SPAG9: variants seen among roughly 807,000 people sequenced by gnomAD.
SPAG9 encodes the protein sperm associated antigen 9, also known as C-Jun-amino-terminal kinase-interacting protein 4.
A neutral mutation model predicts 166.5 loss-of-function variants in SPAG9; 35 were observed. The ratio of observed to expected loss-of-function variants is 0.21; its 90% CI spans 0.16 to 0.28. The LOEUF (loss-of-function observed/expected upper bound fraction) is 0.28, where lower values mean the gene tolerates loss of function less well. SPAG9 is among the 10% of genes least tolerant of loss of function. The pLI is 1.00. For synonymous variants in SPAG9, 534 were observed against 565.5 expected (o/e 0.94, Z 0.79); for missense variants, 1,235 against 1,603.3 (o/e 0.77, Z 3.92).
At chr17:51,040,030 T>A (rs2046771246) in intron 5 of SPAG9, among the ~76,000 whole-genome samples, 1 of 151,418 alleles carries the variant, frequency 6.6e-6, no homozygotes, top group African/African-American at 2.4e-5. Flanking sequence ...AGGTCAGGAG[T>A]TCGAGGTCAG....
At chr17:51,089,118 CACACAA>C (rs1168298453) in intron 1 of SPAG9, among the ~76,000 whole-genome samples, 1 of 149,580 alleles carries the variant, frequency 6.7e-6, no homozygotes, top group Non-Finnish European at 1.5e-5. Context: ...AAAACACACA[CACACAA>C]AAAAAAAACA....
Position 51,120,580 on chromosome 17 carries a change from C to T in SPAG9, c.77G>A (p.Gly26Asp), listed in dbSNP as rs748025285. Residue 26 changes from glycine (G) to aspartate (D), a missense_variant, in exon 1 of 30, where the codon GGC becomes GAC. Around this residue, in one of 6 missense-constraint regions of SPAG9, gnomAD observed 83 missense variants for 149.8 expected, o/e 0.55. Transcript: ENST00000262013. This position sits in a 1 kb window ranked among gnomAD's most constrained non-coding sequence, Gnocchi z 4.7. ...SGAVMSERVS[G>D]LAGSIYREFE... ...CTCGCGGTAGATGGAGCCGGCCAGGCCGGACACCCGCTCCGACATCACGGC... is the reference window on the plus strand; with the variant it reads ...CTCGCGGTAGATGGAGCCGGCCAGGTCGGACACCCGCTCCGACATCACGGC... 6.2e-7 allele frequency: 1 copy of T among 1,613,292 alleles called. No homozygotes were observed. The highest frequency in any genetic ancestry group is 8.5e-7 in the Non-Finnish European group (1 of 1,179,742).
chr17:51,117,782 T>C (rs1486409895), intron 1 of SPAG9, among the ~76,000 whole-genome samples: 6 of 143,888 alleles, frequency 4.2e-5, no homozygotes, highest in African/African-American at 1.6e-4. Flanking sequence ...TCACTCTACA[T>C]ATTGGCCAAA....
At chr17:51,052,697 G>A (rs369177761) in intron 3 of SPAG9, among the ~76,000 whole-genome samples, 47 of 151,690 alleles carry the variant, frequency 3.1e-4, no homozygotes, top group African/African-American at 1.1e-3. Flanking sequence ...TTATAGAAGC[G>A]TATCTTCACC....
chr17:50,997,707 A>G (rs944367167), intron 15 of SPAG9, among the ~76,000 whole-genome samples: 2 of 152,142 alleles, frequency 1.3e-5, no homozygotes, highest in Non-Finnish European at 2.9e-5. Context: ...TATCAGATTA[A>G]TTTTACAGAC....
At chr17:50,975,893 G>A (rs1974169626) in intron 27 of SPAG9, 1 of 1,535,418 alleles carries the variant, frequency 6.5e-7, no homozygotes, top group African/African-American at 1.4e-5. Context: ...CCCTGGTGGA[G>A]GATTACGGCT....
chr17:51,025,184 T>C (rs913595316), intron 6 of SPAG9, among the ~76,000 whole-genome samples: 1 of 151,476 alleles, frequency 6.6e-6, no homozygotes, highest in African/African-American at 2.4e-5. Context: ...CCAGGCATGG[T>C]GGCACATGCC....
chr17:51,081,742 C>CAA (rs923486935), intron 1 of SPAG9, among the ~76,000 whole-genome samples: 3 of 134,578 alleles, frequency 2.2e-5, no homozygotes, highest in Non-Finnish European at 4.8e-5. Context: ...ACCTCTGTCT[C>CAA]AAAAAAAAAA....
chr17:51,047,503 A>C (rs1226670480), intron 3 of SPAG9, 34 bp from the exon 4 acceptor site: 2 of 1,002,474 alleles, frequency 2.0e-6, no homozygotes, highest in Non-Finnish European at 3.0e-6. Flanking sequence ...CACAATATTT[A>C]AGGCTAATAC....
chr17:51,117,708 C>CAAAAA (rs397856959), intron 1 of SPAG9, among the ~76,000 whole-genome samples: 8 of 41,728 alleles, frequency 1.9e-4, no homozygotes, highest in African/African-American at 4.8e-4. Context: ...GACTCCGTCT[C>CAAAAA]AAAAAAAAAA....
At chr17:51,105,648 T>C (rs563455345) in intron 1 of SPAG9, among the ~76,000 whole-genome samples, 164 of 151,460 alleles carry the variant, frequency 1.1e-3, no homozygotes, top group Non-Finnish European at 2.0e-3. Flanking sequence ...GGTGGGCAGA[T>C]CACGAGGTCA....
intron 1 of SPAG9, among the ~76,000 whole-genome samples, chr17:51,114,281 C>T (rs1002858629): frequency 3.3e-5 from 5 of 151,742 alleles, no homozygotes; most frequent in South Asian, 4.2e-4. Flanking sequence ...GATCTGAGAT[C>T]GCACCACTGC....
In SPAG9 at chr17:51,020,238, TTTC is replaced by T. The variant is rs772869673; in HGVS notation, c.1009_1011del (p.Glu337del). ...TCGATGATTGCTTGAACTTCTGACT[TTTC>T]TTCATTTTCAGCAGAGCCTTAAAAA... On this transcript the variant is annotated inframe_deletion, in exon 8 of 30. Transcript: ENST00000262013. 5 of 1,612,840 alleles carry T rather than the reference TTTC, an allele frequency of 3.1e-6. No individual in the cohort carries two copies. In the East Asian group the frequency reaches 1.1e-4, roughly 36 times the overall value.
At chr17:50,973,685 A>T (rs1051413270) in intron 28 of SPAG9, among the ~76,000 whole-genome samples, 1 of 152,238 alleles carries the variant, frequency 6.6e-6, no homozygotes, top group East Asian at 1.9e-4. Context: ...ATTAACATTT[A>T]AAACAACAGA....
Position 50,979,756 on chromosome 17 carries a change from G to T in SPAG9, c.3399C>A (p.Ser1133Arg). The T allele has an allele frequency of 6.2e-7, 1 of 1,608,386 alleles. No individual in the cohort carries two copies. Among genetic ancestry groups the T allele is most frequent in the Non-Finnish European group, 8.5e-7 (1 of 1,175,156 alleles). The change falls in exon 26 of 30, where the codon AGC (serine) becomes AGA (arginine). Residue 1133 changes from serine to arginine, a missense_variant. Transcript: ENST00000262013. ...GCGTTGGAAGCTTACCTAACATTTTGCTTACATAAGGCTCAATGTCCACAT... is the reference window on the plus strand; with the variant it reads ...GCGTTGGAAGCTTACCTAACATTTTTCTTACATAAGGCTCAATGTCCACAT... ...LQDVDIEPYV[S>R]KMLGTGKLGF...
chr17:51,053,903 C>CAT (rs1225165088), intron 3 of SPAG9, among the ~76,000 whole-genome samples: 7 of 53,290 alleles, frequency 1.3e-4, no homozygotes, highest in Non-Finnish European at 2.7e-4. Flanking sequence ...ATATATAAAA[C>CAT]ATATATGTAT....
At chr17:51,033,310 G>GAA (rs368879602) in intron 5 of SPAG9, among the ~76,000 whole-genome samples, 15 of 87,020 alleles carry the variant, frequency 1.7e-4, no homozygotes, top group African/African-American at 5.2e-4. Context: ...GTCATTAAAT[G>GAA]AAAAAAAAAA....
chr17:50,968,321 A>G (rs1276114362), intron 29 of SPAG9, among the ~76,000 whole-genome samples: 3 of 152,214 alleles, frequency 2.0e-5, no homozygotes, highest in African/African-American at 4.8e-5. Flanking sequence ...ATTCATATCT[A>G]AAGTATTTGT....
At chr17:50,971,797 C>T (rs1192987219) in intron 28 of SPAG9, among the ~76,000 whole-genome samples, 2 of 151,158 alleles carry the variant, frequency 1.3e-5, no homozygotes, top group Admixed American at 6.6e-5. Context: ...GACAGAGTTT[C>T]GCTCTTGTGG....
Sources: gnomAD v4.1 joint callset for allele counts (sites outside exome capture counted in the v4.1 genomes callset) on GRCh38, gnomAD v4.1.1 for gene constraint, gnomAD v4.1.1 regional missense constraint, Gnocchi (gnomAD v3.1) non-coding constraint, MANE v1.5 for transcripts, NCBI Gene and HGNC (gene_info 2026-07-23, HGNC 2026-07-21) for gene names.